HPSE2: variants seen among roughly 807,000 people sequenced by gnomAD.
HPSE2 encodes the protein heparanase 2 (inactive), also known as inactive heparanase-2.
Under a neutral mutation model 60.5 loss-of-function variants are expected in HPSE2, and 38 were observed. The ratio of observed to expected loss-of-function variants is 0.63; its 90% confidence interval spans 0.48 to 0.82. The LOEUF is 0.82. Among genes scored for constraint, HPSE2 ranks in the 40% least tolerant of loss-of-function variants. The pLI, the probability that HPSE2 is intolerant of heterozygous loss-of-function variation, is 0.00. For missense variants in HPSE2, 713 were observed against 740.4 expected, an observed-to-expected ratio of 0.96 and a Z score of 0.43; for synonymous variants, 295 against 293.2, an observed-to-expected ratio of 1.01 and a Z score of -0.06.
chr10:98,480,315 C>T (rs1364592773), intron 11 of HPSE2, among the ~76,000 whole-genome samples: 2 of 152,056 alleles, frequency 1.3e-5, no homozygotes, highest in Non-Finnish European at 1.5e-5. Flanking sequence ...AACTCCTGAC[C>T]TCAAGTAATC....
intron 8 of HPSE2, among the ~76,000 whole-genome samples, chr10:98,618,405 A>G (rs1461610096): frequency 1.3e-5 from 2 of 152,154 alleles, no homozygotes; most frequent in African/African-American, 2.4e-5. Flanking sequence ...AAAACCACTC[A>G]GTACAACTGG....
intron 4 of HPSE2, among the ~76,000 whole-genome samples, chr10:98,723,267 T>C (rs1348654050): frequency 6.6e-6 from 1 of 152,240 alleles, no homozygotes; most frequent in Non-Finnish European, 1.5e-5. Context: ...GGATTACATT[T>C]ACTGATTTTT....
chr10:99,071,363 C>G (rs908985315), intron 3 of HPSE2, among the ~76,000 whole-genome samples: 1 of 152,158 alleles, frequency 6.6e-6, no homozygotes, highest in Non-Finnish European at 1.5e-5. Context: ...AGCCGCCGTG[C>G]CTGGCCTATT....
At chr10:99,264,261 G>A in the HPSE2 span, among the ~76,000 whole-genome samples, 8 of 151,740 alleles carry the variant, frequency 5.3e-5, no homozygotes, top group African/African-American at 1.7e-4. Flanking sequence ...CTAATTTTTT[G>A]TATTTTTAGT....
At chr10:98,738,623 T>C (rs1327289478) in intron 4 of HPSE2, among the ~76,000 whole-genome samples, 1 of 151,938 alleles carries the variant, frequency 6.6e-6, no homozygotes, top group Non-Finnish European at 1.5e-5. Flanking sequence ...CTTAAACAAA[T>C]TTACAAGAAA....
chr10:98,736,256 G>A (rs1235190570), intron 4 of HPSE2, among the ~76,000 whole-genome samples: 2 of 150,738 alleles, frequency 1.3e-5, no homozygotes, highest in Non-Finnish European at 2.9e-5. Context: ...TTTAAGACAT[G>A]CCTTTCACCT....
In HPSE2 at chr10:98,512,955, A is replaced by G. The variant is rs1025901171; in HGVS notation, c.1321-22759T>C. Among the ~76,000 whole-genome samples the G allele has an allele frequency of 9.9e-5, 15 of 152,148 alleles. 1 individual carries two copies. The highest frequency in any genetic ancestry group is 9.8e-4 in the Admixed American group (15 of 15,268). ...GGGTGAAATCACATTTCTGTATCATATGTTCTCACAGAACCATTTCTTTCT... is the reference window on the plus strand; with the variant it reads ...GGGTGAAATCACATTTCTGTATCATGTGTTCTCACAGAACCATTTCTTTCT... On this transcript the variant is annotated intron_variant, in intron 9 of 11. Transcript: ENST00000370552.
At chr10:98,545,232 G>A (rs532899003) in intron 9 of HPSE2, among the ~76,000 whole-genome samples, 3 of 151,912 alleles carry the variant, frequency 2.0e-5, no homozygotes, top group Non-Finnish European at 4.4e-5. Context: ...GGTACAAGGA[G>A]GAACTGGTAC....
At chr10:99,287,345 A>G in the HPSE2 span, among the ~76,000 whole-genome samples, 1 of 152,082 alleles carries the variant, frequency 6.6e-6, no homozygotes, top group Non-Finnish European at 1.5e-5. Context: ...GGCAGGAAGA[A>G]CCTCAAGCTA....
intron 5 of HPSE2, among the ~76,000 whole-genome samples, chr10:98,705,178 A>G (rs775866747): frequency 1.3e-5 from 2 of 152,270 alleles, no homozygotes; most frequent in Non-Finnish European, 2.9e-5. Flanking sequence ...TGATCATTAG[A>G]GAAATGCAAA....
intron 6 of HPSE2, among the ~76,000 whole-genome samples, chr10:98,665,758 C>T (rs1472843233): frequency 1.3e-5 from 2 of 152,166 alleles, no homozygotes; most frequent in East Asian, 3.9e-4. Flanking sequence ...TATTACCAGA[C>T]CAGCCTTATA....
intron 3 of HPSE2, among the ~76,000 whole-genome samples, chr10:99,100,738 G>C (rs1017493551): frequency 1.3e-5 from 2 of 152,202 alleles, no homozygotes; most frequent in East Asian, 1.9e-4. Context: ...AGGGCAGCCA[G>C]AGAGAAAGGT....
intron 6 of HPSE2, among the ~76,000 whole-genome samples, chr10:98,645,527 C>T (rs1182234944): frequency 6.6e-6 from 1 of 152,186 alleles, no homozygotes; most frequent in Non-Finnish European, 1.5e-5. Context: ...CAGTCTGAGT[C>T]CAATTCACAT....
At chr10:98,720,905 A>T (rs960623767) in intron 5 of HPSE2, among the ~76,000 whole-genome samples, 1 of 152,202 alleles carries the variant, frequency 6.6e-6, no homozygotes, top group Non-Finnish European at 1.5e-5. Flanking sequence ...ATGTAAAATT[A>T]TATCTGTATA....
At chr10:98,585,190 C>G (rs890778234) in intron 9 of HPSE2, among the ~76,000 whole-genome samples, 3 of 151,922 alleles carry the variant, frequency 2.0e-5, no homozygotes, top group Admixed American at 2.0e-4. Context: ...GGGTTAGATG[C>G]TACATGAAAA....
At chr10:98,672,527 T>C (rs1185654055) in intron 6 of HPSE2, among the ~76,000 whole-genome samples, 2 of 152,228 alleles carry the variant, frequency 1.3e-5, no homozygotes, top group Non-Finnish European at 2.9e-5. Context: ...AGACATGTAA[T>C]ATAATTTATC....
At chr10:99,226,701 A>G (rs1849485173) in intron 2 of HPSE2, among the ~76,000 whole-genome samples, 1 of 151,978 alleles carries the variant, frequency 6.6e-6, no homozygotes. Context: ...AGGGAAGAAG[A>G]ATTAAGCTCC....
intron 3 of HPSE2, among the ~76,000 whole-genome samples, chr10:98,778,264 C>CAGAGAGAGAGAAAG (rs1950385517): frequency 8.9e-6 from 1 of 112,654 alleles, no homozygotes; most frequent in Non-Finnish European, 1.8e-5. Context: ...GAGAGAGAGA[C>CAGAGAGAGAGAAAG]AGAGAGAGAG....
chr10:98,888,076 A>G (rs2134915449), intron 3 of HPSE2, among the ~76,000 whole-genome samples: 1 of 151,748 alleles, frequency 6.6e-6, no homozygotes, highest in African/African-American at 2.4e-5. Context: ...TTGTAACTCA[A>G]AGGATAAATG....
Sources: allele counts gnomAD v4.1 joint callset (sites outside exome capture counted in the v4.1 genomes callset), GRCh38; gene constraint gnomAD v4.1.1; transcripts MANE v1.5; gene names NCBI Gene and HGNC (gene_info 2026-07-23, HGNC 2026-07-21).